Variants in FHOD3 observed in about 807,000 individuals in gnomAD.
FHOD3 encodes the protein FH1/FH2 domain-containing protein 3.
FHOD3 carries 90 observed loss-of-function variants against 173.0 expected under a neutral mutation model. The ratio of observed to expected loss-of-function variants is 0.52; its 90% CI spans 0.44 to 0.62. FHOD3 has a LOEUF of 0.62. Among genes scored for constraint, FHOD3 ranks in the 20% least tolerant of loss-of-function variants. The pLI, the probability that FHOD3 is intolerant of heterozygous loss-of-function variation, is 0.00. For synonymous variants in FHOD3, 828 were observed against 823.0 expected, an observed-to-expected ratio of 1.01 and a Z score of -0.10; for missense variants, 1,945 against 2,034.7, an observed-to-expected ratio of 0.96 and a Z score of 0.85.
At chr18:36,680,951 A>C (rs1183031941) in intron 14 of FHOD3, among the ~76,000 whole-genome samples, 2 of 152,192 alleles carry the variant, frequency 1.3e-5, no homozygotes, top group Non-Finnish European at 2.9e-5. Context: ...TTGGTGGTAC[A>C]TGTGCTGGTT....
At chr18:36,538,693 A>G (rs2057087818) in intron 5 of FHOD3, among the ~76,000 whole-genome samples, 1 of 152,218 alleles carries the variant, frequency 6.6e-6, no homozygotes, top group South Asian at 2.1e-4. Flanking sequence ...GCATTATGCT[A>G]TTTATAGGAC....
At chr18:36,707,719 G>C (rs183564010) in intron 17 of FHOD3, among the ~76,000 whole-genome samples, 24 of 152,230 alleles carry the variant, frequency 1.6e-4, no homozygotes, top group Non-Finnish European at 2.5e-4. Context: ...TGCACCCCAT[G>C]GCCAGCCGTG....
intron 28 of FHOD3, among the ~76,000 whole-genome samples, chr18:36,773,428 G>A (rs1039747001): frequency 6.6e-6 from 1 of 152,180 alleles, no homozygotes; most frequent in Non-Finnish European, 1.5e-5. Context: ...GGATGTTTCC[G>A]TCTTTCATCA....
At chr18:36,746,154 A>G (rs1260581098) in intron 23 of FHOD3, among the ~76,000 whole-genome samples, 10 of 152,150 alleles carry the variant, frequency 6.6e-5, no homozygotes, top group African/African-American at 2.2e-4. Flanking sequence ...TCCTTCAGGC[A>G]ATCCAGCCTG....
At chr18:36,302,682 C>G (rs536841264) in intron 1 of FHOD3, among the ~76,000 whole-genome samples, 9 of 152,336 alleles carry the variant, frequency 5.9e-5, no homozygotes, top group Admixed American at 5.2e-4. Flanking sequence ...TATTATTGCA[C>G]TAATGAATTT....
chr18:36,749,653 C>T (rs1266817982), intron 24 of FHOD3, among the ~76,000 whole-genome samples: 1 of 152,186 alleles, frequency 6.6e-6, no homozygotes, highest in Non-Finnish European at 1.5e-5. Flanking sequence ...GTGCATGTGT[C>T]TTTCTGGTAG....
At chr18:36,625,384 G>A in intron 9 of FHOD3, 127 bp from the exon 10 acceptor site, 1 of 790,488 alleles carries the variant, frequency 1.3e-6, no homozygotes, top group South Asian at 4.5e-5. Context: ...CAGGGAAGCT[G>A]AGGCGTGCAG....
chr18:36,310,943 T>C (rs1004706672), intron 1 of FHOD3, among the ~76,000 whole-genome samples: 4 of 151,916 alleles, frequency 2.6e-5, no homozygotes, highest in Non-Finnish European at 5.9e-5. Context: ...TAAGCTAATA[T>C]ATGGGGTTGA....
At chr18:36,384,774 C>T (rs946589016) in intron 3 of FHOD3, among the ~76,000 whole-genome samples, 2 of 152,090 alleles carry the variant, frequency 1.3e-5, no homozygotes, top group African/African-American at 4.8e-5. Context: ...CCTTGGAGAC[C>T]TGTTTGTTAT....
chr18:36,389,614 G>A (rs2048199753), intron 3 of FHOD3, among the ~76,000 whole-genome samples: 1 of 152,066 alleles, frequency 6.6e-6, no homozygotes, highest in Admixed American at 6.5e-5. Context: ...TATTGTTGTT[G>A]TTTTTTAAAT....
intron 3 of FHOD3, among the ~76,000 whole-genome samples, chr18:36,440,109 G>A (rs2051049854): frequency 6.6e-6 from 1 of 152,212 alleles, no homozygotes; most frequent in Admixed American, 6.5e-5. Context: ...TGTAGGTGAT[G>A]TTTTAGTAGG....
intron 5 of FHOD3, among the ~76,000 whole-genome samples, chr18:36,523,142 CA>C (rs11346542): frequency 0.51 from 77,339 of 151,904 alleles, 19,745 homozygotes; most frequent in East Asian, 0.61. Flanking sequence ...TTCCTTGAAA[CA>C]ACTGCTGGGG....
intron 6 of FHOD3, among the ~76,000 whole-genome samples, chr18:36,594,032 G>A (rs1171786544): frequency 6.6e-6 from 1 of 152,216 alleles, no homozygotes; most frequent in Non-Finnish European, 1.5e-5. Context: ...AAGGGGCCCC[G>A]GAGGCTGACC....
intron 18 of FHOD3, 119 bp downstream of exon 18, chr18:36,709,510 T>C: frequency 2.7e-6 from 3 of 1,098,314 alleles, no homozygotes; most frequent in Non-Finnish European, 3.9e-6. Context: ...AACCCACTCA[T>C]GTGGCTGTGT....
chr18:36,659,280 G>A (rs2149199236), intron 14 of FHOD3, among the ~76,000 whole-genome samples: 1 of 152,298 alleles, frequency 6.6e-6, no homozygotes, highest in African/African-American at 2.4e-5. Flanking sequence ...ACGGTGTCAA[G>A]CTCTCAGATT....
intron 3 of FHOD3, among the ~76,000 whole-genome samples, chr18:36,474,969 G>A (rs1232305279): frequency 6.8e-6 from 1 of 146,534 alleles, no homozygotes; most frequent in Admixed American, 7.0e-5. Flanking sequence ...CTTTTGAAGA[G>A]GTTGAAAATA....
At chr18:36,764,454 A>G (rs905763396) in intron 27 of FHOD3, among the ~76,000 whole-genome samples, 1 of 151,982 alleles carries the variant, frequency 6.6e-6, no homozygotes, top group Non-Finnish European at 1.5e-5. Context: ...CATGGCCAAC[A>G]GGGATGTGAA....
chr18:36,627,568 A>G (rs1374490126), intron 10 of FHOD3, among the ~76,000 whole-genome samples: 1 of 152,148 alleles, frequency 6.6e-6, no homozygotes, highest in Non-Finnish European at 1.5e-5. Flanking sequence ...ATTTCACTTT[A>G]CTGGAATTAT....
intron 3 of FHOD3, among the ~76,000 whole-genome samples, chr18:36,476,835 A>G (rs1429363183): frequency 2.0e-5 from 3 of 152,198 alleles, no homozygotes; most frequent in South Asian, 2.1e-4. Flanking sequence ...CAGTTAAGCC[A>G]AGGGACTCTT....
Sources: gnomAD v4.1 joint callset for allele counts (sites outside exome capture counted in the v4.1 genomes callset) on GRCh38, gnomAD v4.1.1 for gene constraint, MANE v1.5 for transcripts, NCBI Gene and HGNC (gene_info 2026-07-23, HGNC 2026-07-21) for gene names.